The following PCDHA8 variants were observed in gnomAD, a reference collection of about 807,000 sequenced individuals.
PCDHA8 encodes the protein protocadherin alpha-8.
In PCDHA8, 53 loss-of-function variants were observed where a neutral mutation model predicts 61.8. The observed-to-expected ratio is 0.86, with a 90% CI of 0.69 to 1.08. The LOEUF (loss-of-function observed/expected upper bound fraction) is 1.08. Among genes scored for constraint, PCDHA8 ranks in the 50% least tolerant of loss-of-function variants. The pLI, the probability that PCDHA8 is intolerant of heterozygous loss-of-function variation, is 0.00. For synonymous variants in PCDHA8, 618 were observed against 556.6 expected, an observed-to-expected ratio of 1.11 and a Z score of -1.55; for missense variants, 1,293 against 1,245.0, an observed-to-expected ratio of 1.04 and a Z score of -0.58.
intron 3 of PCDHA8, among the ~76,000 whole-genome samples, chr5:140,990,502 A>T (rs1303617067): frequency 6.6e-6 from 1 of 152,164 alleles, no homozygotes; most frequent in African/African-American, 2.4e-5. Context: ...ACATTCCCCA[A>T]GTCTTCTCTC....
chr5:140,976,023 A>C (rs907977893), intron 1 of PCDHA8, among the ~76,000 whole-genome samples: 1 of 152,206 alleles, frequency 6.6e-6, no homozygotes, highest in Non-Finnish European at 1.5e-5. Flanking sequence ...AAATAATCAC[A>C]GTTATTTCAA....
intron 1 of PCDHA8, among the ~76,000 whole-genome samples, chr5:140,946,679 C>T (rs556487333): frequency 4.1e-5 from 6 of 144,812 alleles, no homozygotes; most frequent in East Asian, 4.0e-4. Flanking sequence ...TCCTGTCATT[C>T]GTGACAATAT....
chr5:140,901,069 T>C (rs1175492593), intron 1 of PCDHA8, among the ~76,000 whole-genome samples: 2 of 152,186 alleles, frequency 1.3e-5, no homozygotes, highest in Admixed American at 6.5e-5. Context: ...GATTTTTTTT[T>C]CTATAGAGTT....
In PCDHA8 at chr5:140,941,719, C is replaced by G. The variant is rs76426901; in HGVS notation, c.2395-37230C>G. 1.5e-4 allele frequency among the ~76,000 whole-genome samples: 23 copies of G among 152,260 alleles called. No individual in the cohort carries two copies. The East Asian group carries it at 4.0e-3, about 27-fold the overall frequency. ...GGCTTAGCTTTCCTCCACAATTTGT[C>G]CTAGCAGTTCCCCATTATCTTATCA... is the stretch of plus-strand genomic sequence containing the variant. On this transcript the variant is annotated intron_variant, in intron 1 of 3. Coordinates refer to ENST00000531613, the MANE Select transcript of PCDHA8 (RefSeq NM_018911.3).
chr5:140,992,590 T>C (rs536991072), intron 3 of PCDHA8, among the ~76,000 whole-genome samples: 1 of 152,300 alleles, frequency 6.6e-6, no homozygotes, highest in East Asian at 1.9e-4. Flanking sequence ...TGTATGCATC[T>C]AGCGTCTGTG....
rs782421721 is a variant in PCDHA8, at chr5:140,966,807, C to T, written c.2395-12142C>T. Reference sequence around the variant, plus strand: ...ACCAGACCTGCGGCGACAGAGCATCCACGGCTCCGGCGGCCCATGCCCTGG... The same window carrying T: ...ACCAGACCTGCGGCGACAGAGCATCTACGGCTCCGGCGGCCCATGCCCTGG... On this transcript the variant is annotated intron_variant, in intron 1 of 3. Transcript: ENST00000531613. 3 of 1,547,208 alleles carry T rather than the reference C, an allele frequency of 1.9e-6. No homozygotes were observed. The South Asian group carries it at 3.6e-5, about 18-fold the overall frequency.
intron 1 of PCDHA8, among the ~76,000 whole-genome samples, chr5:140,878,502 G>A (rs782817563): frequency 2.0e-5 from 3 of 152,028 alleles, no homozygotes; most frequent in Admixed American, 6.5e-5. Flanking sequence ...CCATCTGTAC[G>A]ATACAGTACA....
intron 1 of PCDHA8, among the ~76,000 whole-genome samples, chr5:140,973,225 G>A (rs1554235003): frequency 6.6e-6 from 1 of 152,180 alleles, no homozygotes; most frequent in African/African-American, 2.4e-5. Flanking sequence ...TCCAGGTATA[G>A]TGACCTGAAA....
At chr5:140,945,304 C>T (rs993719774) in intron 1 of PCDHA8, among the ~76,000 whole-genome samples, 3 of 151,880 alleles carry the variant, frequency 2.0e-5, no homozygotes, top group African/African-American at 7.3e-5. Flanking sequence ...TTGAAGAAGA[C>T]ACAAATAAAT....
chr5:140,991,033 TACTTA>T (rs567583919), intron 3 of PCDHA8, among the ~76,000 whole-genome samples: 53 of 152,330 alleles, frequency 3.5e-4, no homozygotes, highest in African/African-American at 1.3e-3. Context: ...ATATGTTGCA[TACTTA>T]ACTTTGAGAG....
intron 1 of PCDHA8, chr5:140,866,148 ATAAG>A (rs1375745548): frequency 1.4e-4 from 21 of 152,178 alleles, no homozygotes; most frequent in Admixed American, 1.3e-4. Context: ...TGGAAGTGAT[ATAAG>A]TAAGAATCGT....
Position 140,928,756 on chromosome 5 carries a change from C to T in PCDHA8, c.2395-50193C>T. 2.5e-6 allele frequency: 4 copies of T among 1,614,164 alleles called. No individual in the cohort carries two copies. The highest frequency in any genetic ancestry group is 3.4e-6 in the Non-Finnish European group (4 of 1,180,032). On this transcript the variant is annotated intron_variant, in intron 1 of 3. Transcript: ENST00000531613. The stretch of plus-strand genomic sequence containing the variant: ...CAATATAGGTGAGCTCCGTACTGCT[C>T]GCTTAGTTCTTCCCACTGATGCAGT...
intron 1 of PCDHA8, among the ~76,000 whole-genome samples, chr5:140,911,440 A>C (rs151200639): frequency 6.6e-5 from 10 of 152,168 alleles, no homozygotes; most frequent in African/African-American, 1.7e-4. Context: ...ATTTCCCGCA[A>C]TTTCAGCTCT....
intron 1 of PCDHA8, among the ~76,000 whole-genome samples, chr5:140,922,507 C>G (rs2080870221): frequency 1.3e-5 from 2 of 152,154 alleles, no homozygotes; most frequent in Non-Finnish European, 2.9e-5. Flanking sequence ...AGCAGATGCA[C>G]CATTATTTCA....
At chr5:140,846,790 C>T (rs1780677178) in intron 1 of PCDHA8, among the ~76,000 whole-genome samples, 1 of 149,194 alleles carries the variant, frequency 6.7e-6, no homozygotes, top group Non-Finnish European at 1.5e-5. Context: ...ATTACTGAGC[C>T]CCAGCCCCTG....
intron 1 of PCDHA8, among the ~76,000 whole-genome samples, chr5:140,945,889 A>G (rs2093857848): frequency 6.6e-6 from 1 of 152,074 alleles, no homozygotes; most frequent in African/African-American, 2.4e-5. Flanking sequence ...CAAAGAAAAC[A>G]CAGTGGGAAA....
At chr5:140,946,634 A>ATATATAT (rs1554217761) in intron 1 of PCDHA8, among the ~76,000 whole-genome samples, 3 of 147,376 alleles carry the variant, frequency 2.0e-5, no homozygotes, top group African/African-American at 5.1e-5. Context: ...ATATATATAC[A>ATATATAT]ATGGAATACT....
intron 1 of PCDHA8, among the ~76,000 whole-genome samples, chr5:140,880,574 AGAGAG>A (rs2058389036): frequency 1.3e-5 from 2 of 152,226 alleles, no homozygotes; most frequent in African/African-American, 4.8e-5. Flanking sequence ...GAATTTGAGA[AGAGAG>A]GAAAGAGAAT....
At chr5:140,991,440 C>T (rs2097452926) in intron 3 of PCDHA8, among the ~76,000 whole-genome samples, 1 of 152,190 alleles carries the variant, frequency 6.6e-6, no homozygotes, top group Non-Finnish European at 1.5e-5. Context: ...AACTTCATGG[C>T]TTAAAACAAC....
Sources: allele counts gnomAD v4.1 joint callset (sites outside exome capture counted in the v4.1 genomes callset), GRCh38; gene constraint gnomAD v4.1.1; transcripts MANE v1.5; gene names NCBI Gene and HGNC (gene_info 2026-07-23, HGNC 2026-07-21).